Variants in TRMT11 observed in about 807,000 individuals in gnomAD.
TRMT11 encodes the protein tRNA methyltransferase 11, also known as tRNA (guanine(10)-N(2))-methyltransferase TRMT11.
Under a neutral mutation model 62.8 loss-of-function variants are expected in TRMT11, and 53 were observed. The ratio of observed to expected loss-of-function variants is 0.84; its 90% CI spans 0.68 to 1.06. The LOEUF is 1.06. Among genes scored for constraint, TRMT11 ranks in the 50% least tolerant of loss-of-function variants. The pLI is 0.00. For missense variants in TRMT11, 556 were observed against 553.4 expected, an observed-to-expected ratio of 1.00 and a Z score of -0.05; for synonymous variants, 188 against 190.3, an observed-to-expected ratio of 0.99 and a Z score of 0.10.
chr6:126,057,382 A>G (rs943298163), intron 17 of TRMT11, among the ~76,000 whole-genome samples: 24 of 152,230 alleles, frequency 1.6e-4, no homozygotes, highest in African/African-American at 1.2e-4. Context: ...TGAAAAATCA[A>G]TGTCGATGAA....
the TRMT11 span, among the ~76,000 whole-genome samples, chr6:126,266,881 C>G: frequency 2.6e-5 from 4 of 152,142 alleles, no homozygotes; most frequent in Non-Finnish European, 4.4e-5. Context: ...AACAGGAAGA[C>G]AGTTAAACAT....
At chr6:126,222,442 A>G in the TRMT11 span, among the ~76,000 whole-genome samples, 714 of 152,252 alleles carry the variant, frequency 4.7e-3, 3 homozygotes, top group Non-Finnish European at 8.4e-3. Context: ...TTTCCTATCC[A>G]TAAGTATAGA....
chr6:126,258,292 TC>T, the TRMT11 span: 7 of 477,716 alleles, frequency 1.5e-5, no homozygotes, highest in East Asian at 5.5e-5. Context: ...AAACACGTGG[TC>T]CTGAGCCACC....
intron 16 of TRMT11, among the ~76,000 whole-genome samples, chr6:126,051,291 T>C (rs1259868129): frequency 6.6e-6 from 1 of 152,028 alleles, no homozygotes; most frequent in Non-Finnish European, 1.5e-5. Flanking sequence ...GGTAATGATG[T>C]GTGAGGCAGA....
chr6:126,172,359 C>T (rs1778339867), upstream of TRMT11, among the ~76,000 whole-genome samples: 1 of 152,256 alleles, frequency 6.6e-6, no homozygotes, highest in Middle Eastern at 3.4e-3. Flanking sequence ...AGCAGAGAAA[C>T]ACTAATCCTG....
At chr6:126,184,023 T>G (rs1778498863) in intron 1 of TRMT11, among the ~76,000 whole-genome samples, 1 of 152,130 alleles carries the variant, frequency 6.6e-6, no homozygotes, top group Non-Finnish European at 1.5e-5. Context: ...TGACTAATAA[T>G]AATAGATTAT....
chr6:126,162,626 G>A (rs1778204542), intron 21 of TRMT11, among the ~76,000 whole-genome samples: 1 of 152,182 alleles, frequency 6.6e-6, no homozygotes, highest in South Asian at 2.1e-4. Context: ...GATGGGACTA[G>A]CATTGAATCT....
chr6:126,142,704 G>T (rs563855655), intron 21 of TRMT11, among the ~76,000 whole-genome samples: 15 of 152,182 alleles, frequency 9.9e-5, no homozygotes, highest in Admixed American at 8.5e-4. Context: ...CTAGTAAGCT[G>T]TCTGACACCT....
intron 7 of TRMT11, among the ~76,000 whole-genome samples, chr6:126,001,365 C>A (rs1424363031): frequency 6.6e-6 from 1 of 151,850 alleles, no homozygotes; most frequent in African/African-American, 2.4e-5. Flanking sequence ...TATTTCTCTT[C>A]CCTTTATTTT....
intron 17 of TRMT11, among the ~76,000 whole-genome samples, chr6:126,065,829 G>A (rs1329591740): frequency 2.6e-5 from 4 of 152,176 alleles, no homozygotes; most frequent in Non-Finnish European, 5.9e-5. Flanking sequence ...GGAGCGTTGA[G>A]GGTGGTATGA....
chr6:126,206,044 T>C (rs1778789150), downstream of TRMT11, among the ~76,000 whole-genome samples: 3 of 152,206 alleles, frequency 2.0e-5, no homozygotes, highest in South Asian at 6.2e-4. Flanking sequence ...AATGTCCTCA[T>C]ACTGTCTTAG....
the TRMT11 span, among the ~76,000 whole-genome samples, chr6:126,260,246 A>G: frequency 6.6e-6 from 1 of 152,152 alleles, no homozygotes. Flanking sequence ...TCACTGGGCT[A>G]ACATAAAGAG....
At chr6:126,147,537 A>C (rs935326396) in intron 21 of TRMT11, among the ~76,000 whole-genome samples, 1 of 152,174 alleles carries the variant, frequency 6.6e-6, no homozygotes, top group Non-Finnish European at 1.5e-5. Flanking sequence ...AACACAATCT[A>C]GTGTTCATGA....
chr6:125,993,469 G>T (rs911488914), intron 1 of TRMT11, among the ~76,000 whole-genome samples: 1 of 152,150 alleles, frequency 6.6e-6, no homozygotes, highest in Non-Finnish European at 1.5e-5. Flanking sequence ...TTACTAATCT[G>T]CACTTTGTGT....
At chr6:126,031,130 G>GT (rs954600843) in intron 12 of TRMT11, among the ~76,000 whole-genome samples, 1 of 152,072 alleles carries the variant, frequency 6.6e-6, no homozygotes, top group Non-Finnish European at 1.5e-5. Context: ...AAGGATGCAA[G>GT]TTTTTTTGTT....
chr6:126,240,696 T>C, the TRMT11 span, among the ~76,000 whole-genome samples: 2 of 152,228 alleles, frequency 1.3e-5, no homozygotes, highest in Non-Finnish European at 2.9e-5. Context: ...TTCTCAGGTC[T>C]CTAGCTGTGT....
At chr6:126,008,961 A>G (rs762705072) in intron 8 of TRMT11, among the ~76,000 whole-genome samples, 1 of 151,960 alleles carries the variant, frequency 6.6e-6, no homozygotes, top group Non-Finnish European at 1.5e-5. Context: ...TTTATGATCC[A>G]TTGTGTACAG....
At chr6:126,183,064 C>T (rs1778485162) in intron 1 of TRMT11, among the ~76,000 whole-genome samples, 2 of 152,076 alleles carry the variant, frequency 1.3e-5, no homozygotes, top group Admixed American at 1.3e-4. Flanking sequence ...CACCACCCAC[C>T]CACTGCAGGC....
chr6:126,217,908 T>C, the TRMT11 span, among the ~76,000 whole-genome samples: 1 of 152,118 alleles, frequency 6.6e-6, no homozygotes, highest in Non-Finnish European at 1.5e-5. Context: ...TCAGAAGCCT[T>C]AGGAATCTAC....
Sources: gnomAD v4.1 joint callset for allele counts (sites outside exome capture counted in the v4.1 genomes callset) on GRCh38, gnomAD v4.1.1 for gene constraint, MANE v1.5 for transcripts, NCBI Gene and HGNC (gene_info 2026-07-23, HGNC 2026-07-21) for gene names.